The following PTCHD4 variants were observed in gnomAD, a reference collection of about 807,000 sequenced individuals.
PTCHD4 encodes the protein patched domain-containing protein 4.
In PTCHD4, 33 loss-of-function variants were observed where a neutral mutation model predicts 58.1. The observed-to-expected ratio is 0.57, with a 90% CI of 0.43 to 0.76. PTCHD4 has a LOEUF of 0.76. Among genes scored for constraint, PTCHD4 ranks in the 30% least tolerant of loss-of-function variants. The pLI is 0.00. For missense variants in PTCHD4, 1,058 were observed against 1,027.1 expected (o/e 1.03, Z -0.41); for synonymous variants, 478 against 409.6 (o/e 1.17, Z -2.02).
chr6:47,911,422 C>T (rs573887506), intron 4 of PTCHD4, among the ~76,000 whole-genome samples: 80 of 152,278 alleles, frequency 5.3e-4, no homozygotes, highest in African/African-American at 1.9e-3. Flanking sequence ...TGTTTCTAAT[C>T]TCTATGCTGC....
intron 1 of PTCHD4, among the ~76,000 whole-genome samples, chr6:48,091,309 A>C (rs12110358): frequency 0.011 from 1,667 of 152,086 alleles, 32 homozygotes; most frequent in African/African-American, 0.038. Flanking sequence ...AAAATGAATA[A>C]AAATGAAATT....
In PTCHD4 at chr6:47,866,262, T is replaced by C. The variant is rs1240710525; in HGVS notation, c.*12041A>G. On this transcript the variant is annotated 3_prime_UTR_variant, in exon 5 of 5. Coordinates refer to ENST00000339488, the MANE Select transcript of PTCHD4 (RefSeq NM_001384253.1). ...GTGTTGACTTGGTTGTCTAAGCCAC[T>C]GTTTTTCAAATTGAGCCACACATTG... is the stretch of plus-strand genomic sequence containing the variant. Among the ~76,000 whole-genome samples, 1 of 151,902 alleles carries C rather than the reference T, an allele frequency of 6.6e-6. No homozygotes were observed. The highest frequency in any genetic ancestry group is 1.5e-5 in the Non-Finnish European group (1 of 67,878).
chr6:48,008,828 A>G lies in PTCHD4; in HGVS notation c.704T>C (p.Leu235Pro), dbSNP rs1762563149. 1 of 1,614,042 alleles carries G rather than the reference A, an allele frequency of 6.2e-7. No homozygotes were observed. The highest frequency in any genetic ancestry group is 8.5e-7 in the Non-Finnish European group (1 of 1,179,906). The change falls in exon 4 of 5, where the codon CTG (leucine) becomes CCG (proline). Residue 235 changes from leucine to proline, a missense_variant. By Grantham distance (98) the Leu-to-Pro change is moderately conservative. Coordinates refer to ENST00000339488, the MANE Select transcript of PTCHD4 (RefSeq NM_001384253.1). ...GGTCAGGATCAGCACGAGGCTCACC[A>G]GGACCTTGCTTCTGGCCAGGATGCT... ...KTSILARSKV[L>P]VSLVLILTTA...
chr6:47,990,876 A>G (rs1326854161), intron 4 of PTCHD4, among the ~76,000 whole-genome samples: 1 of 152,220 alleles, frequency 6.6e-6, no homozygotes, highest in African/African-American at 2.4e-5. Context: ...AATTTAATGA[A>G]TATGTTTAGC....
At chr6:48,030,199 G>A (rs1264104365) in intron 3 of PTCHD4, among the ~76,000 whole-genome samples, 2 of 152,096 alleles carry the variant, frequency 1.3e-5, no homozygotes, top group African/African-American at 4.8e-5. Context: ...ATCAGGCCAT[G>A]TTTAATGAGA....
intron 4 of PTCHD4, among the ~76,000 whole-genome samples, chr6:48,004,286 T>C (rs976487537): frequency 6.6e-6 from 1 of 152,186 alleles, no homozygotes; most frequent in Admixed American, 6.6e-5. Flanking sequence ...GAGTCATCAC[T>C]GTGTCCTGTG....
At chr6:48,026,270 G>A (rs1186674955) in intron 3 of PTCHD4, among the ~76,000 whole-genome samples, 1 of 152,118 alleles carries the variant, frequency 6.6e-6, no homozygotes, top group African/African-American at 2.4e-5. Flanking sequence ...AGGTTTCTTT[G>A]TTCACTATAT....
intron 3 of PTCHD4, among the ~76,000 whole-genome samples, chr6:48,050,405 A>G (rs1326715523): frequency 6.6e-6 from 1 of 152,012 alleles, no homozygotes; most frequent in African/African-American, 2.4e-5. Flanking sequence ...CTTTAGATAT[A>G]TTATGGACAA....
intron 3 of PTCHD4, among the ~76,000 whole-genome samples, chr6:48,064,736 C>T (rs1232675159): frequency 6.6e-6 from 1 of 151,904 alleles, no homozygotes; most frequent in Non-Finnish European, 1.5e-5. Flanking sequence ...GTTGTGAATA[C>T]TATCTACACA....
At chr6:47,978,684 T>A (rs2114004615) in intron 4 of PTCHD4, among the ~76,000 whole-genome samples, 2 of 152,274 alleles carry the variant, frequency 1.3e-5, no homozygotes, top group Non-Finnish European at 2.9e-5. Flanking sequence ...ATGAGACAGA[T>A]CTTACTATCC....
chr6:47,888,563 A>G (rs1203657348), intron 4 of PTCHD4, among the ~76,000 whole-genome samples: 1 of 152,222 alleles, frequency 6.6e-6, no homozygotes, highest in Admixed American at 6.5e-5. Flanking sequence ...ATCTTAGTGT[A>G]TAGATAAAAG....
chr6:48,023,758 T>A (rs1392663776), intron 3 of PTCHD4, among the ~76,000 whole-genome samples: 2 of 152,146 alleles, frequency 1.3e-5, no homozygotes, highest in Admixed American at 6.6e-5. Flanking sequence ...CTACCTTTTT[T>A]AAAAAAGGTC....
At chr6:48,057,152 C>A (rs552720302) in intron 3 of PTCHD4, among the ~76,000 whole-genome samples, 2 of 152,084 alleles carry the variant, frequency 1.3e-5, no homozygotes, top group East Asian at 3.9e-4. Flanking sequence ...AAAGTCTCTC[C>A]CTCCCTCTTC....
chr6:48,073,760 C>T (rs1412184775), intron 1 of PTCHD4, among the ~76,000 whole-genome samples: 3 of 152,088 alleles, frequency 2.0e-5, no homozygotes, highest in Non-Finnish European at 4.4e-5. Context: ...AAGAAGCACA[C>T]CTGGGAGGTT....
intron 4 of PTCHD4, among the ~76,000 whole-genome samples, chr6:47,897,074 G>T (rs1764549002): frequency 6.6e-6 from 1 of 152,056 alleles, no homozygotes; most frequent in African/African-American, 2.4e-5. Context: ...GTGTTTTCTG[G>T]TGTTCTAGTA....
chr6:47,907,328 T>C (rs57065494), intron 4 of PTCHD4, among the ~76,000 whole-genome samples: 9,446 of 152,216 alleles, frequency 0.062, 345 homozygotes, highest in Middle Eastern at 0.099. Context: ...TTGTTAATGA[T>C]TATAATAAAT....
At chr6:47,893,469 G>A (rs1764441597) in intron 4 of PTCHD4, among the ~76,000 whole-genome samples, 1 of 152,204 alleles carries the variant, frequency 6.6e-6, no homozygotes, top group African/African-American at 2.4e-5. Flanking sequence ...ATACTTTGGA[G>A]TCATCATTTT....
At chr6:47,913,047 A>T (rs1280881614) in intron 4 of PTCHD4, among the ~76,000 whole-genome samples, 1 of 152,068 alleles carries the variant, frequency 6.6e-6, no homozygotes, top group South Asian at 2.1e-4. Context: ...ATTTATCCCC[A>T]ATTTTACAGT....
In PTCHD4 at chr6:47,865,808, T is replaced by C. The variant is rs1406772367; in HGVS notation, c.*12495A>G. Among the ~76,000 whole-genome samples, 1 of 151,842 alleles carries C rather than the reference T, an allele frequency of 6.6e-6. No individual in the cohort carries two copies. The highest frequency in any genetic ancestry group is 1.5e-5 in the Non-Finnish European group (1 of 67,880). On this transcript the variant is annotated 3_prime_UTR_variant, in exon 5 of 5. Coordinates refer to ENST00000339488, the MANE Select transcript of PTCHD4 (RefSeq NM_001384253.1). ...ATCTAATAATAATAATAATAAAAAG[T>C]AATCTGAGTCCATCAAATCAAATAT...
Sources: allele counts gnomAD v4.1 joint callset (sites outside exome capture counted in the v4.1 genomes callset), GRCh38; gene constraint gnomAD v4.1.1; transcripts MANE v1.5; gene names NCBI Gene and HGNC (gene_info 2026-07-23, HGNC 2026-07-21).